The following FAM114A1 variants were observed in gnomAD, a reference collection of about 807,000 sequenced individuals.
The protein encoded by FAM114A1 is protein NOXP20.
In FAM114A1, 62 loss-of-function variants were observed where a neutral mutation model predicts 64.3. The ratio of observed to expected loss-of-function variants is 0.96; its 90% CI spans 0.79 to 1.19. The LOEUF is 1.19. Ranked by LOEUF, FAM114A1 falls within the 50% of genes most tolerant of loss-of-function variation. The pLI is 0.00. For missense variants in FAM114A1, 645 were observed against 676.3 expected (o/e 0.95, Z 0.51); for synonymous variants, 254 against 251.1 (o/e 1.01, Z -0.11).
At chr4:38,910,142 G>A (rs112040197) in intron 7 of FAM114A1, among the ~76,000 whole-genome samples, 20,296 of 151,994 alleles carry the variant, frequency 0.13, 2,232 homozygotes, top group African/African-American at 0.3. Context: ...GGGAGGCTGA[G>A]GCAGGGGAAT....
chr4:38,867,946 C>T (rs1713603252), intron 1 of FAM114A1, 112 bp downstream of exon 1: 2 of 264,546 alleles, frequency 7.6e-6, no homozygotes, highest in Admixed American at 3.9e-5. Context: ...CGTCCGGGAC[C>T]CACGAATCCT....
At chr4:38,873,313 A>G (rs868081037) in intron 2 of FAM114A1, among the ~76,000 whole-genome samples, 3 of 152,238 alleles carry the variant, frequency 2.0e-5, no homozygotes, top group African/African-American at 2.4e-5. Flanking sequence ...GAGGTGAAGG[A>G]AAAAAGAAAG....
chr4:38,870,838 T>G, intron 2 of FAM114A1, among the ~76,000 whole-genome samples: 1 of 152,218 alleles, frequency 6.6e-6, no homozygotes, highest in Non-Finnish European at 1.5e-5. Flanking sequence ...GTTCTGTATT[T>G]CAAACACACA....
intron 8 of FAM114A1, among the ~76,000 whole-genome samples, chr4:38,915,936 A>G (rs1009820553): frequency 9.9e-5 from 15 of 152,194 alleles, no homozygotes; most frequent in African/African-American, 3.6e-4. Flanking sequence ...AGTGGAGGCC[A>G]CCAGGCAGTA....
At chr4:38,887,313 TCAAA>T (rs555677197) in intron 3 of FAM114A1, among the ~76,000 whole-genome samples, 62 of 152,354 alleles carry the variant, frequency 4.1e-4, no homozygotes, top group Non-Finnish European at 7.2e-4. Context: ...TCCAGCAAAA[TCAAA>T]CAGTCACTTT....
At chr4:38,937,111 A>G (rs1009114313) in intron 13 of FAM114A1, among the ~76,000 whole-genome samples, 2 of 152,176 alleles carry the variant, frequency 1.3e-5, no homozygotes, top group Admixed American at 6.6e-5. Context: ...GCAAAGTCTA[A>G]TGATGTTCTC....
chr4:38,927,069 T>C (rs1034116416), intron 9 of FAM114A1, among the ~76,000 whole-genome samples: 6 of 152,160 alleles, frequency 3.9e-5, no homozygotes, highest in Non-Finnish European at 7.3e-5. Context: ...GCTGCTCCCA[T>C]GGATGAACCA....
intron 14 of FAM114A1, among the ~76,000 whole-genome samples, chr4:38,943,022 T>C (rs1721688429): frequency 6.6e-6 from 1 of 151,984 alleles, no homozygotes; most frequent in Non-Finnish European, 1.5e-5. Context: ...TGAAACCCTG[T>C]CTCTACTAAA....
At chr4:38,928,603 A>G (rs1258246014) in intron 9 of FAM114A1, among the ~76,000 whole-genome samples, 1 of 152,234 alleles carries the variant, frequency 6.6e-6, no homozygotes, top group Non-Finnish European at 1.5e-5. Context: ...TAGATACTCT[A>G]GGATTCAAGA....
At chr4:38,879,729 A>G (rs182616813) in intron 3 of FAM114A1, among the ~76,000 whole-genome samples, 2 of 152,156 alleles carry the variant, frequency 1.3e-5, no homozygotes, top group Non-Finnish European at 2.9e-5. Context: ...AACATAACAC[A>G]AAATTTTGTT....
intron 10 of FAM114A1, among the ~76,000 whole-genome samples, chr4:38,930,192 T>A (rs1486384682): frequency 2.0e-5 from 3 of 152,184 alleles, no homozygotes; most frequent in Admixed American, 1.3e-4. Flanking sequence ...CACAGTGTGT[T>A]TTGCAAGTTA....
intron 2 of FAM114A1, among the ~76,000 whole-genome samples, chr4:38,872,735 C>T (rs548713993): frequency 9.2e-5 from 14 of 152,284 alleles, no homozygotes; most frequent in African/African-American, 2.2e-4. Flanking sequence ...TTTCGGAAAC[C>T]GGCCAGATAG....
chr4:38,874,746 G>T (rs114706473), intron 2 of FAM114A1, among the ~76,000 whole-genome samples: 2,303 of 152,030 alleles, frequency 0.015, 29 homozygotes, highest in Admixed American at 0.027. Context: ...TGCCAGGGCC[G>T]ATATCCAGGA....
intron 3 of FAM114A1, among the ~76,000 whole-genome samples, chr4:38,883,186 G>T (rs1715466895): frequency 6.6e-6 from 1 of 152,132 alleles, no homozygotes; most frequent in Admixed American, 6.5e-5. Flanking sequence ...CTATCTTCAG[G>T]ATGCCTACAG....
Position 38,878,246 on chromosome 4 carries a change from A to G in FAM114A1, c.168A>G (p.Ala56=), listed in dbSNP as rs752669965. ...ADPRGEGHEN[A]AVQGAGAAAI... ...CCAGAGGGGAGGGGCATGAAAATGC[A>G]GCTGTGCAGGGTGCAGGGGCTGCCG... Residue 56 remains alanine, a synonymous_variant, in exon 3 of 15, where the codon GCA becomes GCG. Transcript: ENST00000358869. The G allele has an allele frequency of 1.9e-6, 3 of 1,614,234 alleles. No individual in the cohort carries two copies. The highest frequency in any genetic ancestry group is 2.2e-5 in the South Asian group (2 of 91,086).
Position 38,943,664 on chromosome 4 carries a change from G to A in FAM114A1, c.*107G>A. On this transcript the variant is annotated 3_prime_UTR_variant, in exon 15 of 15. Transcript: ENST00000358869. ...CGCCTGGCCACAGACATCCATTTGA[G>A]GACACTACAAGCAATTTTGCACAGA... The A allele has an allele frequency of 1.1e-6, 1 of 896,658 alleles. No individual in the cohort carries two copies. The highest frequency in any genetic ancestry group is 1.8e-6 in the Non-Finnish European group (1 of 557,710). The allele number at this position is 896,658 out of a possible 1,614,324, so 55.5% of individuals were successfully genotyped here.
At chr4:38,932,069 A>C (rs4832792) in intron 11 of FAM114A1, among the ~76,000 whole-genome samples, 166 bp from the exon 12 acceptor site, 42,715 of 152,236 alleles carry the variant, frequency 0.28, 6,564 homozygotes, top group South Asian at 0.54. Context: ...CCTTCCTGGC[A>C]ACATTACACT....
At position 38,943,480 on chromosome 4, in the gene FAM114A1, C is replaced by G; in HGVS notation, c.1615C>G (p.Gln539Glu). The change falls in exon 15 of 15, where the codon CAG becomes GAG. Residue 539 changes from glutamine to glutamate, a missense_variant. Physicochemically the swap from Gln to Glu is conservative, Grantham distance 29. Transcript: ENST00000358869. ...LEGCNSTTYI[Q>E]DAFQLLLPVL... is the part of the protein sequence containing the mutation. Reference sequence around the variant, plus strand: ...GGGCTGCAACAGTACAACGTACATACAGGATGCCTTCCAGCTGCTGCTGCC... The same window carrying G: ...GGGCTGCAACAGTACAACGTACATAGAGGATGCCTTCCAGCTGCTGCTGCC... 6.2e-7 allele frequency: 1 copy of G among 1,614,084 alleles called. No homozygotes were observed. Among genetic ancestry groups the G allele is most frequent in the African/African-American group, 1.3e-5 (1 of 75,054 alleles).
intron 10 of FAM114A1, among the ~76,000 whole-genome samples, chr4:38,930,786 AG>A (rs1720562517): frequency 6.6e-6 from 1 of 152,230 alleles, no homozygotes; most frequent in Non-Finnish European, 1.5e-5. Context: ...AATAACAGGC[AG>A]GGGAGGAGGT....
Sources: allele counts gnomAD v4.1 joint callset (sites outside exome capture counted in the v4.1 genomes callset), GRCh38; gene constraint gnomAD v4.1.1; transcripts MANE v1.5; gene names NCBI Gene and HGNC (gene_info 2026-07-23, HGNC 2026-07-21).